Variants in BRWD3 observed in about 807,000 individuals in gnomAD.
BRWD3 encodes bromodomain and WD repeat domain containing 3.
In BRWD3, 10 loss-of-function variants were observed where a neutral mutation model predicts 149.7. The ratio of observed to expected loss-of-function variants is 0.07; its 90% confidence interval spans 0.04 to 0.11. The LOEUF is 0.11. Among genes scored for constraint, BRWD3 ranks in the 10% least tolerant of loss-of-function variants. BRWD3 has a pLI of 1.00. For synonymous variants in BRWD3, 504 were observed against 456.7 expected (o/e 1.10, Z -1.32); for missense variants, 940 against 1,373.2 (o/e 0.68, Z 4.99).
chrX:80,744,306 C>T (rs867612978), intron 7 of BRWD3, 53 bp from the exon 8 acceptor site: 1 of 720,250 alleles, frequency 1.4e-6, no homozygotes, highest in South Asian at 2.3e-5. Context: ...TTCACAATAC[C>T]CCCACCCAAA....
intron 8 of BRWD3, among the ~76,000 whole-genome samples, chrX:80,741,144 G>C (rs1025227429): frequency 3.6e-5 from 4 of 110,038 alleles, no homozygotes; most frequent in Non-Finnish European, 1.9e-5. Flanking sequence ...CCACCTATGA[G>C]TGAGAACATG....
In BRWD3 at chrX:80,809,271, G is replaced by C; in HGVS notation, c.65C>G (p.Ser22Cys). 8.3e-7 allele frequency: 1 copy of C among 1,199,243 alleles called. No homozygotes were observed. Among genetic ancestry groups the C allele is most frequent in the Non-Finnish European group, 1.1e-6 (1 of 888,211 alleles). Residue 22 changes from serine to cysteine, a missense_variant, in exon 2 of 41, where the codon TCT becomes TGT. This residue lies in a region of BRWD3 where 105 missense variants were observed against 127.7 expected (regional missense o/e 0.82). Coordinates refer to ENST00000373275, the MANE Select transcript of BRWD3 (RefSeq NM_153252.5). ...LYYLIARFLQ[S>C]GPCNKSAQVL... ...CTGAGCGGATTTGTTGCAGGGTCCA[G>C]ACTGCAAGAACCTAGCGATCAGGTA... is the stretch of plus-strand genomic sequence containing the variant.
chrX:80,696,691 G>T (rs761213700), intron 26 of BRWD3, 48 bp downstream of exon 26: 22 of 1,176,081 alleles, frequency 1.9e-5, no homozygotes, highest in Non-Finnish European at 2.4e-5. Context: ...TATACAATAG[G>T]TATTAAAATA....
In BRWD3 at chrX:80,695,691, C is replaced by A. The variant is rs189966316; in HGVS notation, c.3151+217G>T. On this transcript the variant is annotated intron_variant, in intron 27 of 40. Transcript: ENST00000373275. Reference sequence around the variant, plus strand: ...TTTTCTTTATATTCCTGTTTGTATACTAATAGAGTAGGTATTTGCAGAAGG... The same window carrying A: ...TTTTCTTTATATTCCTGTTTGTATAATAATAGAGTAGGTATTTGCAGAAGG... Among the ~76,000 whole-genome samples the A allele has an allele frequency of 2.3e-3, 258 of 111,510 alleles. 1 individual carries two copies. The highest frequency in any genetic ancestry group is 4.7e-3 in the Admixed American group (49 of 10,448).
chrX:80,775,065 G>A (rs1422197168), intron 6 of BRWD3, among the ~76,000 whole-genome samples: 3 of 112,179 alleles, frequency 2.7e-5, no homozygotes, highest in East Asian at 5.6e-4. Context: ...TAAGGACCAT[G>A]GACCAAATGT....
At chrX:80,782,966 AT>A (rs950294703) in intron 6 of BRWD3, among the ~76,000 whole-genome samples, 3 of 111,337 alleles carry the variant, frequency 2.7e-5, no homozygotes, top group African/African-American at 9.8e-5. Flanking sequence ...GAAAAAAAAA[AT>A]CTAATAATCC....
rs1399179498 is a variant in BRWD3, at chrX:80,671,740, C to T, written c.*4869G>A. ...GTTTAACGGACATTTTGCCCATATACAATATCATATCAACTATGAACTGAT... is the reference window on the plus strand; with the variant it reads ...GTTTAACGGACATTTTGCCCATATATAATATCATATCAACTATGAACTGAT... On this transcript the variant is annotated 3_prime_UTR_variant, in exon 41 of 41. Coordinates refer to ENST00000373275, the MANE Select transcript of BRWD3 (RefSeq NM_153252.5). 1 of 111,606 alleles carries T rather than the reference C, an allele frequency of 9.0e-6. No individual in the cohort carries two copies. The highest frequency in any genetic ancestry group is 3.3e-5 in the African/African-American group (1 of 30,738). 9.2% of individuals were successfully genotyped at this position (111,606 alleles called of 1,213,427 possible). A position where few individuals can be genotyped will look rare whatever the true frequency, so the allele number is the denominator to read the frequency against.
chrX:80,715,679 A>G (rs2147742369), intron 20 of BRWD3, among the ~76,000 whole-genome samples: 1 of 112,335 alleles, frequency 8.9e-6, no homozygotes, highest in Non-Finnish European at 1.9e-5. Flanking sequence ...AATCTCTGTT[A>G]CAACTATTCA....
chrX:80,808,638 A>G, intron 3 of BRWD3, 40 bp from the exon 4 acceptor site: 1 of 1,151,216 alleles, frequency 8.7e-7, no homozygotes, highest in Non-Finnish European at 1.2e-6. Context: ...GCGGAGGCAA[A>G]TGATGAAGGA....
intron 6 of BRWD3, among the ~76,000 whole-genome samples, chrX:80,766,968 C>T (rs189153159): frequency 1.8e-5 from 2 of 112,458 alleles, no homozygotes; most frequent in Admixed American, 1.9e-4. Flanking sequence ...TAGCCCGCAC[C>T]TGTCTCTGCG....
intron 8 of BRWD3, among the ~76,000 whole-genome samples, chrX:80,741,059 C>G (rs764447426): frequency 2.7e-5 from 3 of 110,435 alleles, no homozygotes; most frequent in Non-Finnish European, 3.8e-5. Context: ...ATCCATCCCC[C>G]CTCCCCCACC....
At chrX:80,766,033 C>T (rs913276880) in intron 6 of BRWD3, among the ~76,000 whole-genome samples, 1 of 111,918 alleles carries the variant, frequency 8.9e-6, no homozygotes, top group African/African-American at 3.3e-5. Flanking sequence ...TCACAGAATG[C>T]CCAAACATTT....
chrX:80,786,230 A>T (rs1488183906), intron 6 of BRWD3, among the ~76,000 whole-genome samples: 1 of 111,408 alleles, frequency 9.0e-6, no homozygotes, highest in Admixed American at 9.6e-5. Flanking sequence ...AGTTGCAATC[A>T]TCTCCATTGT....
chrX:80,772,556 T>C (rs1238010182), intron 6 of BRWD3, among the ~76,000 whole-genome samples: 1 of 110,462 alleles, frequency 9.1e-6, no homozygotes, highest in African/African-American at 3.3e-5. Context: ...ACATGGCCCA[T>C]GTATACGTAT....
At chrX:80,808,466 G>A in intron 4 of BRWD3, 73 bp downstream of exon 4, 1 of 841,862 alleles carries the variant, frequency 1.2e-6, no homozygotes, top group Non-Finnish European at 1.7e-6. Flanking sequence ...GAGGTGGGGG[G>A]CGGGTTGGGG....
chrX:80,713,462 T>G (rs1212709068), intron 20 of BRWD3, among the ~76,000 whole-genome samples: 1 of 111,042 alleles, frequency 9.0e-6, no homozygotes, highest in Admixed American at 9.5e-5. Context: ...CGGTGCAAGA[T>G]GTGCTTTGTT....
rs1213226921 is a variant in BRWD3, at chrX:80,752,902, T to A, written c.431-7173A>T. On this transcript the variant is annotated intron_variant, in intron 6 of 40. Transcript: ENST00000373275. ...CTGGTCTCAAACTCCTGACCTCAGG[T>A]GATCCACCAGCCTCAGCCTCCCAAA... Among the ~76,000 whole-genome samples the A allele has an allele frequency of 2.7e-5, 3 of 112,115 alleles. No homozygotes were observed. In the South Asian group the frequency reaches 1.1e-3, roughly 42 times the overall value.
intron 6 of BRWD3, among the ~76,000 whole-genome samples, chrX:80,790,684 A>T (rs1355605946): frequency 1.8e-5 from 2 of 112,068 alleles, no homozygotes; most frequent in Non-Finnish European, 3.8e-5. Context: ...CTGTAAACCT[A>T]ATATTGTAAT....
chrX:80,791,082 T>C (rs1160738327), intron 6 of BRWD3, among the ~76,000 whole-genome samples: 1 of 112,318 alleles, frequency 8.9e-6, no homozygotes, highest in Non-Finnish European at 1.9e-5. Context: ...CTAGCTTCAA[T>C]TTACTTAACC....
Sources: gnomAD v4.1 joint callset for allele counts (sites outside exome capture counted in the v4.1 genomes callset) on GRCh38, gnomAD v4.1.1 for gene constraint, gnomAD v4.1.1 regional missense constraint, MANE v1.5 for transcripts, NCBI Gene and HGNC (gene_info 2026-07-23, HGNC 2026-07-21) for gene names.